The following CHD1 variants were observed in gnomAD, a reference collection of about 807,000 sequenced individuals.
The protein encoded by CHD1 is ATP-dependent chromatin remodeler CHD1.
In CHD1, 36 loss-of-function variants were observed where a neutral mutation model predicts 224.2. The ratio of observed to expected loss-of-function variants is 0.16; its 90% CI spans 0.12 to 0.21. The LOEUF (loss-of-function observed/expected upper bound fraction) is 0.21. Among genes scored for constraint, CHD1 ranks in the 10% least tolerant of loss-of-function variants. The pLI, the probability that CHD1 is intolerant of heterozygous loss-of-function variation, is 1.00. For missense variants in CHD1, 1,378 were observed against 1,994.8 expected (o/e 0.69, Z 5.89); for synonymous variants, 668 against 658.3 (o/e 1.01, Z -0.23).
intron 32 of CHD1, among the ~76,000 whole-genome samples, chr5:98,862,866 AG>A (rs1287646530): frequency 1.3e-5 from 2 of 152,240 alleles, no homozygotes; most frequent in African/African-American, 4.8e-5. Context: ...AAAAGATAGA[AG>A]CCAAGCATTT....
intron 2 of CHD1, among the ~76,000 whole-genome samples, chr5:98,906,404 C>T (rs1185745947): frequency 6.6e-6 from 1 of 152,178 alleles, no homozygotes; most frequent in Middle Eastern, 3.4e-3. Flanking sequence ...GCATACCTTG[C>T]GAGAAATTTT....
chr5:98,913,116 C>A (rs975013622), intron 2 of CHD1, among the ~76,000 whole-genome samples: 1 of 152,178 alleles, frequency 6.6e-6, no homozygotes, highest in Non-Finnish European at 1.5e-5. Context: ...GTACTAAATT[C>A]TCATCCTATG....
At chr5:98,874,537 T>TAAAA (rs70984332) in intron 25 of CHD1, among the ~76,000 whole-genome samples, 9 of 88,260 alleles carry the variant, frequency 1.0e-4, no homozygotes, top group Non-Finnish European at 1.1e-4. Flanking sequence ...CCGTCTCTAC[T>TAAAA]AAAAAAAAAA....
At chr5:98,911,170 T>G (rs1488002299) in intron 2 of CHD1, among the ~76,000 whole-genome samples, 2 of 130,172 alleles carry the variant, frequency 1.5e-5, no homozygotes, top group African/African-American at 6.0e-5. Flanking sequence ...TATATATATA[T>G]ATATATAGAG....
chr5:98,861,684 T>C (rs1338408478), intron 32 of CHD1, among the ~76,000 whole-genome samples: 2 of 150,948 alleles, frequency 1.3e-5, no homozygotes, highest in East Asian at 3.9e-4. Flanking sequence ...TTTTTTTTTT[T>C]GTATTTTTAG....
chr5:98,911,143 A>ATATATATATATAT (rs1561539769), intron 2 of CHD1, among the ~76,000 whole-genome samples: 1 of 112,572 alleles, frequency 8.9e-6, no homozygotes, highest in African/African-American at 4.0e-5. Flanking sequence ...AAAAAAAAAA[A>ATATATATATATAT]AAAATATATA....
intron 32 of CHD1, chr5:98,860,298 T>C (rs189734719): frequency 8.6e-6 from 4 of 466,448 alleles, no homozygotes; most frequent in Non-Finnish European, 1.6e-5. Flanking sequence ...AATCGCTTCA[T>C]TTTATAGTCT....
intron 30 of CHD1, chr5:98,868,970 CTGAT>C: frequency 3.8e-6 from 3 of 790,306 alleles, no homozygotes; most frequent in Non-Finnish European, 4.6e-6. Flanking sequence ...TGTAAATATG[CTGAT>C]TGTTTTTACT....
chr5:98,909,506 T>C (rs908699832), intron 2 of CHD1, among the ~76,000 whole-genome samples: 6 of 152,146 alleles, frequency 3.9e-5, no homozygotes, highest in East Asian at 1.9e-4. Flanking sequence ...CATCACTTCA[T>C]ACCTAGCATT....
At chr5:98,905,866 T>C (rs1752018746) in intron 2 of CHD1, among the ~76,000 whole-genome samples, 2 of 152,198 alleles carry the variant, frequency 1.3e-5, no homozygotes, top group African/African-American at 4.8e-5. Flanking sequence ...AAACAGTTGA[T>C]TATATAATTA....
At chr5:98,917,341 C>A (rs1170465074) in intron 2 of CHD1, among the ~76,000 whole-genome samples, 1 of 141,084 alleles carries the variant, frequency 7.1e-6, no homozygotes. Flanking sequence ...GGGCTTGATA[C>A]TTGTCCTTAT....
At chr5:98,925,465 A>G (rs970094943) in intron 2 of CHD1, among the ~76,000 whole-genome samples, 3 of 152,188 alleles carry the variant, frequency 2.0e-5, no homozygotes, top group Non-Finnish European at 4.4e-5. Flanking sequence ...AGCCTCAGAG[A>G]TTAAGTAATT....
At chr5:98,883,831 ATATATATATATAT>A in intron 18 of CHD1, 1 of 44,884 alleles carries the variant, frequency 2.2e-5, no homozygotes, top group Non-Finnish European at 3.6e-5. Flanking sequence ...GACTAAATAT[ATATATATATATAT>A]ATATATATAT....
chr5:98,925,060 C>T (rs1396261244), intron 2 of CHD1, among the ~76,000 whole-genome samples: 2 of 151,676 alleles, frequency 1.3e-5, no homozygotes, highest in African/African-American at 2.4e-5. Flanking sequence ...AACATTTTTT[C>T]TTAATCTTCC....
intron 13 of CHD1, 39 bp downstream of exon 13, chr5:98,894,558 T>C (rs1384841243): frequency 2.0e-5 from 15 of 756,272 alleles, no homozygotes; most frequent in African/African-American, 1.8e-5. Flanking sequence ...AAAAAACTGA[T>C]ATACAAGAGA....
At chr5:98,926,820 TA>T (rs1186591850) in intron 1 of CHD1, among the ~76,000 whole-genome samples, 1 of 150,794 alleles carries the variant, frequency 6.6e-6, no homozygotes, top group African/African-American at 2.4e-5. Flanking sequence ...ACAATGTTTT[TA>T]TAGACTCCTA....
intron 29 of CHD1, among the ~76,000 whole-genome samples, chr5:98,870,233 T>C (rs1179503303): frequency 6.6e-6 from 1 of 152,196 alleles, no homozygotes; most frequent in African/African-American, 2.4e-5. Context: ...GTTATTGACA[T>C]TATGGTCACA....
Position 98,856,617 on chromosome 5 carries a change from A to G in CHD1, c.4896T>C (p.Arg1632=). Residue 1632 remains arginine (R), a synonymous_variant, in exon 36 of 36, where the codon CGT becomes CGC. Coordinates refer to ENST00000614616, the MANE Select transcript of CHD1 (RefSeq NM_001270.4). ...SLKDRSHSDH[R]SHSDHRLHSD... is the part of the protein sequence containing the mutation. ...AATGTAACCGATGATCTGAGTGAGA[A>G]CGATGATCAGAATGAGATCTATCTT... 6.2e-7 allele frequency: 1 copy of G among 1,613,782 alleles called. No individual in the cohort carries two copies. The highest frequency in any genetic ancestry group is 8.5e-7 in the Non-Finnish European group (1 of 1,179,730).
chr5:98,901,961 C>T (rs1314321495), intron 5 of CHD1, among the ~76,000 whole-genome samples: 1 of 152,040 alleles, frequency 6.6e-6, no homozygotes, highest in African/African-American at 2.4e-5. Flanking sequence ...TTCAGCTATG[C>T]TTCTGCTTCA....
Sources: allele counts gnomAD v4.1 joint callset (sites outside exome capture counted in the v4.1 genomes callset), GRCh38; gene constraint gnomAD v4.1.1; transcripts MANE v1.5; gene names NCBI Gene and HGNC (gene_info 2026-07-23, HGNC 2026-07-21).